The following FRMD8 variants were observed in gnomAD, a reference collection of about 807,000 sequenced individuals.
The protein encoded by FRMD8 is FERM domain-containing protein 8.
Under a neutral mutation model 54.2 loss-of-function variants are expected in FRMD8, and 37 were observed. The observed-to-expected ratio is 0.68, with a 90% CI of 0.53 to 0.90. The LOEUF (loss-of-function observed/expected upper bound fraction) is 0.90, where lower values mean the gene tolerates loss of function less well. Among genes scored for constraint, FRMD8 ranks in the 40% least tolerant of loss-of-function variants. The probability of loss-of-function intolerance (pLI) is 0.00; values close to 1 mark genes in which losing one functional copy is unlikely to be tolerated. For synonymous variants in FRMD8, 246 were observed against 286.9 expected (o/e 0.86, Z 1.44); for missense variants, 585 against 653.7 (o/e 0.89, Z 1.15).
chr11:65,390,353 C>G (rs755085726), intron 3 of FRMD8, among the ~76,000 whole-genome samples: 1 of 152,048 alleles, frequency 6.6e-6, no homozygotes, highest in Non-Finnish European at 1.5e-5. Flanking sequence ...TGCCATAGGC[C>G]GGGCGAGTTT....
intron 3 of FRMD8, among the ~76,000 whole-genome samples, chr11:65,392,237 G>C (rs964114271): frequency 6.6e-6 from 1 of 152,192 alleles, no homozygotes; most frequent in Non-Finnish European, 1.5e-5. Flanking sequence ...TGGAAGGGCT[G>C]TGGGCAAGGG....
At chr11:65,376,994 G>T in the FRMD8 span, 363 of 1,613,498 alleles carry the variant, frequency 2.2e-4, no homozygotes, top group Non-Finnish European at 2.9e-4. Context: ...GTACCGGGGT[G>T]GGGGGCTCCC....
chr11:65,406,855 G>T (rs915514107), intron 10 of FRMD8, among the ~76,000 whole-genome samples: 1 of 151,910 alleles, frequency 6.6e-6, no homozygotes, highest in East Asian at 2.0e-4. Context: ...CAGGAGAATC[G>T]CTTGTACCCA....
chr11:65,401,298 T>TCCCCCCCAGCCTCC, intron 9 of FRMD8, among the ~76,000 whole-genome samples: 1 of 142,664 alleles, frequency 7.0e-6, no homozygotes, highest in African/African-American at 2.8e-5. Context: ...GAGCACCTCT[T>TCCCCCCCAGCCTCC]CTACCCCAGC....
At chr11:65,394,929 G>A (rs771911018) in intron 6 of FRMD8, among the ~76,000 whole-genome samples, 3 of 152,220 alleles carry the variant, frequency 2.0e-5, no homozygotes, top group Non-Finnish European at 4.4e-5. Flanking sequence ...CTCCATGGAG[G>A]ATTATCCCGA....
At chr11:65,379,970 G>A in the FRMD8 span, 423 of 1,613,292 alleles carry the variant, frequency 2.6e-4, 1 homozygote, top group Non-Finnish European at 3.3e-4. Context: ...GTAGGGTGGC[G>A]GGATGGGCAG....
chr11:65,396,565 T>G (rs1855959034), intron 6 of FRMD8, among the ~76,000 whole-genome samples: 1 of 152,158 alleles, frequency 6.6e-6, no homozygotes, highest in African/African-American at 2.4e-5. Flanking sequence ...GCTGTACAGC[T>G]GCTCTCGGCA....
the FRMD8 span, among the ~76,000 whole-genome samples, chr11:65,373,061 G>A: frequency 2.0e-5 from 3 of 152,142 alleles, no homozygotes; most frequent in Admixed American, 1.3e-4. Context: ...AGACCAGGCT[G>A]GCCAACATGG....
chr11:65,400,407 C>T lies in FRMD8; in HGVS notation c.928-317C>T, dbSNP rs763126611. Among the ~76,000 whole-genome samples, 1 of 152,130 alleles carries T rather than the reference C, an allele frequency of 6.6e-6. No individual in the cohort carries two copies. The highest frequency in any genetic ancestry group is 1.5e-5 in the Non-Finnish European group (1 of 68,008). ...TGGGAGGCAGGGCCCAGCTCAGCCT[C>T]ATGCTAGATGCCACGCCCGACCTCA... On this transcript the variant is annotated intron_variant, in intron 8 of 10. Coordinates refer to ENST00000317568, the MANE Select transcript of FRMD8 (RefSeq NM_031904.5). The surrounding 1 kb of genome is among the most constrained non-coding windows in gnomAD (Gnocchi z 4.3).
At chr11:65,368,597 T>C in the FRMD8 span, among the ~76,000 whole-genome samples, 4 of 152,126 alleles carry the variant, frequency 2.6e-5, no homozygotes, top group East Asian at 7.7e-4. Context: ...GGAGTCTTGC[T>C]CTGTCGCCCA....
chr11:65,376,405 G>T, the FRMD8 span: 2 of 1,612,518 alleles, frequency 1.2e-6, no homozygotes, highest in Admixed American at 1.7e-5. Flanking sequence ...TTGCCGCAGG[G>T]CTCATCCCCA....
At position 65,400,797 on chromosome 11, in the gene FRMD8, T is replaced by C. The variant is rs1481957533; in HGVS notation, c.1001T>C (p.Leu334Ser). Residue 334 changes from leucine (L) to serine (S), a missense_variant, in exon 9 of 11, where the codon TTG becomes TCG. Transcript: ENST00000317568. The surrounding 1 kb of genome is among the most constrained non-coding windows in gnomAD (Gnocchi z 4.3). ...HTSPEEEEPI[L>S]WLEFDGDSEG... Reference sequence around the variant, plus strand: ...TCCCCCGAGGAGGAGGAGCCCATCTTGTGGCTGGAGTTCGACGGGGACAGC... The same window carrying C: ...TCCCCCGAGGAGGAGGAGCCCATCTCGTGGCTGGAGTTCGACGGGGACAGC... 6.2e-7 allele frequency: 1 copy of C among 1,612,900 alleles called. No homozygotes were observed. Among genetic ancestry groups the C allele is most frequent in the Non-Finnish European group, 8.5e-7 (1 of 1,179,704 alleles).
At position 65,394,381 on chromosome 11, in the gene FRMD8, G is replaced by C; in HGVS notation, c.537G>C (p.Gln179His). ...TGGGCGCCCTGGTGTGCCGCGTGCAGCTTGGGCCCTACCAGCCCGGCCGGC... is the reference window on the plus strand; with the variant it reads ...TGGGCGCCCTGGTGTGCCGCGTGCACCTTGGGCCCTACCAGCCCGGCCGGC... ...EALGALVCRV[Q>H]LGPYQPGRPA... Residue 179 changes from glutamine to histidine, a missense_variant, in exon 6 of 11, where the codon CAG becomes CAC. Physicochemically the swap from Gln to His is conservative, Grantham distance 24. Transcript: ENST00000317568. 1 of 1,575,542 alleles carries C rather than the reference G, an allele frequency of 6.3e-7. No homozygotes were observed. The highest frequency in any genetic ancestry group is 8.6e-7 in the Non-Finnish European group (1 of 1,161,908).
chr11:65,384,083 C>T (rs1052269145), upstream of FRMD8, among the ~76,000 whole-genome samples: 6 of 152,154 alleles, frequency 3.9e-5, no homozygotes, highest in African/African-American at 1.2e-4. Flanking sequence ...CTTTTCCAAT[C>T]TCACCGCCTC....
At chr11:65,382,719 A>AC (rs1855638921), upstream of FRMD8, 1 of 152,546 alleles carries the variant, frequency 6.6e-6, no homozygotes, top group Non-Finnish European at 1.5e-5. The surrounding 1 kb of genome is among the most constrained non-coding windows in gnomAD (Gnocchi z 4.4). Context: ...ACGTCCTGCC[A>AC]CCCACCCCCT....
chr11:65,373,450 G>A, the FRMD8 span, among the ~76,000 whole-genome samples: 1 of 152,184 alleles, frequency 6.6e-6, no homozygotes, highest in Non-Finnish European at 1.5e-5. Context: ...CCAGAACACC[G>A]ATTCTTAAAC....
chr11:65,388,074 G>A (rs928232926), intron 2 of FRMD8, among the ~76,000 whole-genome samples: 1 of 151,914 alleles, frequency 6.6e-6, no homozygotes. Context: ...TGAGGCAGGA[G>A]AATGACTTGA....
the FRMD8 span, chr11:65,380,156 C>T: frequency 1.2e-5 from 19 of 1,614,204 alleles, no homozygotes; most frequent in Non-Finnish European, 1.5e-5. Flanking sequence ...ACGGGTGTCC[C>T]AGGACCAAGC....
In FRMD8 at chr11:65,394,290, A is replaced by G. The variant is rs762560680; in HGVS notation, c.446A>G (p.Tyr149Cys). The G allele has an allele frequency of 4.4e-6, 7 of 1,597,038 alleles. No individual in the cohort carries two copies. The highest frequency in any genetic ancestry group is 2.3e-5 in the East Asian group (1 of 43,582). ...IHDEEVLRLL[Y>C]EEAKGNVLAA... ...GACGAGGAGGTCCTGCGGCTGCTCTATGAGGAGGCCAAGGGCAACGTGCTG... is the reference window on the plus strand; with the variant it reads ...GACGAGGAGGTCCTGCGGCTGCTCTGTGAGGAGGCCAAGGGCAACGTGCTG... Residue 149 changes from tyrosine to cysteine, a missense_variant, in exon 6 of 11, where the codon TAT (tyrosine) becomes TGT (cysteine). Coordinates refer to ENST00000317568, the MANE Select transcript of FRMD8 (RefSeq NM_031904.5).
Sources: allele counts gnomAD v4.1 joint callset (sites outside exome capture counted in the v4.1 genomes callset), GRCh38; gene constraint gnomAD v4.1.1; non-coding constraint Gnocchi (gnomAD v3.1); transcripts MANE v1.5; gene names NCBI Gene and HGNC (gene_info 2026-07-23, HGNC 2026-07-21).